Variants in GRIA1 observed in about 807,000 individuals in gnomAD.
The protein encoded by GRIA1 is glutamate ionotropic receptor AMPA type subunit 1, also known as glutamate receptor 1.
GRIA1 carries 31 observed loss-of-function variants against 99.2 expected under a neutral mutation model. The observed-to-expected ratio is 0.31, with a 90% confidence interval of 0.23 to 0.42. The LOEUF is 0.42. Ranked by LOEUF, GRIA1 falls within the 10% of genes least tolerant of loss-of-function variation. The pLI is 1.00. For missense variants in GRIA1, 782 were observed against 1,157.5 expected (o/e 0.68, Z 4.71); for synonymous variants, 438 against 432.4 (o/e 1.01, Z -0.16).
At chr5:153,645,600 T>A (rs567653195) in intron 2 of GRIA1, among the ~76,000 whole-genome samples, 11 of 152,278 alleles carry the variant, frequency 7.2e-5, no homozygotes, top group African/African-American at 2.6e-4. Context: ...AGGGACAAAG[T>A]ATGCACCATT....
intron 11 of GRIA1, among the ~76,000 whole-genome samples, chr5:153,729,625 G>T (rs7720354): frequency 0.52 from 79,330 of 151,638 alleles, 21,650 homozygotes; most frequent in East Asian, 0.94. Flanking sequence ...GTGCAAAATT[G>T]GGTTACATTT....
chr5:153,806,600 G>A (rs546783523), intron 15 of GRIA1, among the ~76,000 whole-genome samples: 21 of 152,176 alleles, frequency 1.4e-4, no homozygotes, highest in South Asian at 2.1e-4. Flanking sequence ...CCCTAAACTC[G>A]TTCAGGGTCA....
At chr5:153,535,161 A>T (rs1188148836) in intron 2 of GRIA1, among the ~76,000 whole-genome samples, 1 of 152,086 alleles carries the variant, frequency 6.6e-6, no homozygotes, top group Admixed American at 6.5e-5. Flanking sequence ...ACCTCAAGCG[A>T]TCTGCCCGTC....
intron 2 of GRIA1, among the ~76,000 whole-genome samples, chr5:153,638,279 A>G (rs1485638988): frequency 6.6e-6 from 1 of 152,230 alleles, no homozygotes; most frequent in African/African-American, 2.4e-5. Flanking sequence ...AAAGACAAGG[A>G]CTGAGTTAGA....
chr5:153,727,039 T>C (rs1456436896), intron 11 of GRIA1, among the ~76,000 whole-genome samples: 4 of 152,118 alleles, frequency 2.6e-5, no homozygotes, highest in Non-Finnish European at 5.9e-5. Context: ...TTATCCACCA[T>C]GATCAAGTGG....
chr5:153,516,342 T>A (rs938279709), intron 2 of GRIA1, among the ~76,000 whole-genome samples: 2 of 151,696 alleles, frequency 1.3e-5, no homozygotes, highest in African/African-American at 2.4e-5. Flanking sequence ...GACCCATGCT[T>A]GGAGTCTCAG....
intron 11 of GRIA1, among the ~76,000 whole-genome samples, chr5:153,743,047 C>T (rs578129107): frequency 6.6e-6 from 1 of 152,274 alleles, no homozygotes; most frequent in East Asian, 1.9e-4. Flanking sequence ...GGACACCACC[C>T]AGTTCTTGGC....
Position 153,490,960 on chromosome 5 carries a change from T to C in GRIA1, c.72T>C (p.Asn24=). ...TAGTAGGTGCCAATTTCCCCAACAA[T>C]ATCCAGATCGGTGAGTGAGGGGGCA... The part of the protein sequence containing the change: ...GAVVGANFPN[N]IQIGGLFPNQ... Residue 24 remains asparagine (N), a synonymous_variant, in exon 1 of 16, where the codon AAT becomes AAC. Transcript: ENST00000285900. 6.2e-7 allele frequency: 1 copy of C among 1,613,952 alleles called. No individual in the cohort carries two copies. The highest frequency in any genetic ancestry group is 8.5e-7 in the Non-Finnish European group (1 of 1,179,908).
At position 153,505,919 on chromosome 5, in the gene GRIA1, C is replaced by A. The variant is rs1755443608; in HGVS notation, c.220+11854C>A. Among the ~76,000 whole-genome samples the A allele has an allele frequency of 2.0e-5, 3 of 152,212 alleles. No individual in the cohort carries two copies. In the South Asian group the frequency reaches 6.2e-4, roughly 32 times the overall value. On this transcript the variant is annotated intron_variant, in intron 2 of 15. Transcript: ENST00000285900. Reference sequence around the variant, plus strand: ...GAAGGCATTTCAAAGGAGGTGACTTCTGAGCTCAGATATAAAAGTTGGAAG... The same window carrying A: ...GAAGGCATTTCAAAGGAGGTGACTTATGAGCTCAGATATAAAAGTTGGAAG...
chr5:153,607,203 G>T (rs1333866329), intron 2 of GRIA1, among the ~76,000 whole-genome samples: 1 of 151,548 alleles, frequency 6.6e-6, no homozygotes, highest in Admixed American at 6.6e-5. Flanking sequence ...TTTCCTCTGG[G>T]TAGATTTATA....
intron 2 of GRIA1, among the ~76,000 whole-genome samples, chr5:153,576,919 A>G (rs1017708028): frequency 6.6e-6 from 1 of 151,080 alleles, no homozygotes; most frequent in East Asian, 2.0e-4. Context: ...CAGGCTCTCA[A>G]TAAATATTGG....
intron 5 of GRIA1, among the ~76,000 whole-genome samples, chr5:153,672,515 CAG>C (rs2149483115): frequency 6.7e-6 from 1 of 149,366 alleles, no homozygotes. Flanking sequence ...CATTTCCAGG[CAG>C]AGAGAATATC....
intron 1 of GRIA1, among the ~76,000 whole-genome samples, chr5:153,493,583 G>T (rs542957165): frequency 6.6e-6 from 1 of 152,186 alleles, no homozygotes; most frequent in Non-Finnish European, 1.5e-5. Context: ...TTATGTGTAT[G>T]TTTATATAAG....
At chr5:153,562,038 A>G (rs6867564) in intron 2 of GRIA1, among the ~76,000 whole-genome samples, 118 of 150,924 alleles carry the variant, frequency 7.8e-4, no homozygotes, top group Middle Eastern at 3.4e-3. Flanking sequence ...CTAAATGGAG[A>G]TGAGGGTGGA....
rs1247337578 is a variant in GRIA1 at position 153,526,412 on chromosome 5, G to A, written c.220+32347G>A. 3.3e-5 allele frequency among the ~76,000 whole-genome samples: 5 copies of A among 151,880 alleles called. No individual in the cohort carries two copies. In the East Asian group the frequency reaches 9.6e-4, roughly 29 times the overall value. On this transcript the variant is annotated intron_variant, in intron 2 of 15. Coordinates refer to ENST00000285900, the MANE Select transcript of GRIA1 (RefSeq NM_000827.4). The stretch of plus-strand genomic sequence containing the variant: ...TATTCTAAGCTTATACTCTTTTTTT[G>A]TTCAAATACCTTTTCTATTATGCAA...
intron 13 of GRIA1, among the ~76,000 whole-genome samples, chr5:153,784,725 C>T (rs1055797139): frequency 1.3e-5 from 2 of 152,182 alleles, no homozygotes; most frequent in African/African-American, 2.4e-5. Flanking sequence ...CCTGAGTCAG[C>T]GGAGTCCTAT....
intron 2 of GRIA1, among the ~76,000 whole-genome samples, chr5:153,581,113 C>T (rs925431165): frequency 3.3e-4 from 50 of 152,176 alleles, no homozygotes; most frequent in Admixed American, 2.6e-4. Flanking sequence ...CCGTTTTTGC[C>T]CTCCCTGCAC....
intron 11 of GRIA1, among the ~76,000 whole-genome samples, chr5:153,723,212 G>A (rs1219919093): frequency 6.6e-6 from 1 of 152,208 alleles, no homozygotes; most frequent in Non-Finnish European, 1.5e-5. Context: ...TGTAAGGAAA[G>A]CTGTGGGTTG....
At chr5:153,799,618 C>G (rs943645207) in intron 14 of GRIA1, among the ~76,000 whole-genome samples, 3 of 152,154 alleles carry the variant, frequency 2.0e-5, no homozygotes, top group Admixed American at 6.5e-5. Flanking sequence ...CCAGGTTCTC[C>G]CTTGATTCCA....
Sources: gnomAD v4.1 joint callset for allele counts (sites outside exome capture counted in the v4.1 genomes callset) on GRCh38, gnomAD v4.1.1 for gene constraint, MANE v1.5 for transcripts, NCBI Gene and HGNC (gene_info 2026-07-23, HGNC 2026-07-21) for gene names.